The following XIRP2 variants were observed in gnomAD, a reference collection of about 807,000 sequenced individuals.
The protein encoded by XIRP2 is xin actin binding repeat containing 2.
A neutral mutation model predicts 277.0 loss-of-function variants in XIRP2; 236 were observed. That is an observed-to-expected ratio of 0.85 (90% confidence interval 0.77 to 0.95). The LOEUF is 0.95. Among genes scored for constraint, XIRP2 ranks in the 40% least tolerant of loss-of-function variants. The pLI is 0.00. For synonymous variants in XIRP2, 1,490 were observed against 1,416.5 expected, an observed-to-expected ratio of 1.05 and a Z score of -1.17; for missense variants, 4,640 against 4,157.5, an observed-to-expected ratio of 1.12 and a Z score of -3.19.
intron 3 of XIRP2, among the ~76,000 whole-genome samples, chr2:167,182,737 G>C (rs1573939340): frequency 6.6e-6 from 1 of 151,738 alleles, no homozygotes; most frequent in African/African-American, 2.4e-5. Context: ...CAGAATAAAA[G>C]AAAATAATAA....
chr2:167,167,376 C>A (rs942094468), intron 3 of XIRP2, among the ~76,000 whole-genome samples: 15 of 152,140 alleles, frequency 9.9e-5, no homozygotes, highest in Admixed American at 3.9e-4. Context: ...ATATTTGTTA[C>A]TTTTTATATC....
rs1461233196 is a variant in XIRP2, at chr2:167,244,899, T to C, written c.3507T>C (p.Phe1169=). 2 of 1,613,078 alleles carry C rather than the reference T, an allele frequency of 1.2e-6. No homozygotes were observed. Among genetic ancestry groups the C allele is most frequent in the Non-Finnish European group, 1.7e-6 (2 of 1,179,666 alleles). ...GGDVRTACFL[F]ETENLDSIQG... ...ATGTTCGTACAGCATGTTTTCTTTTTGAGACAGAAAATTTGGACAGCATAC... is the reference window on the plus strand; with the variant it reads ...ATGTTCGTACAGCATGTTTTCTTTTCGAGACAGAAAATTTGGACAGCATAC... The change falls in exon 9 of 11, where the codon TTT becomes TTC. Residue 1169 remains phenylalanine, a synonymous_variant. Coordinates refer to ENST00000409195, the MANE Select transcript of XIRP2 (RefSeq NM_152381.6).
At chr2:166,923,275 T>A (rs2105359937) in intron 2 of XIRP2, among the ~76,000 whole-genome samples, 1 of 152,228 alleles carries the variant, frequency 6.6e-6, no homozygotes, top group East Asian at 1.9e-4. Flanking sequence ...GTGTTTTGCC[T>A]CGAGTTCTCA....
At chr2:167,085,973 G>A (rs1419239570) in intron 2 of XIRP2, among the ~76,000 whole-genome samples, 3 of 151,794 alleles carry the variant, frequency 2.0e-5, no homozygotes, top group Non-Finnish European at 4.4e-5. Flanking sequence ...GTGTGAATTT[G>A]ATCCTGTCAT....
At chr2:167,136,184 GT>G in intron 3 of XIRP2, 122 bp downstream of exon 3, 1 of 972,936 alleles carries the variant, frequency 1.0e-6, no homozygotes, top group Non-Finnish European at 1.4e-6. Flanking sequence ...ACTGCATATA[GT>G]TTAGGAAATA....
At chr2:166,940,756 C>G (rs1685683457) in intron 2 of XIRP2, among the ~76,000 whole-genome samples, 1 of 152,194 alleles carries the variant, frequency 6.6e-6, no homozygotes, top group South Asian at 2.1e-4. Flanking sequence ...GGCTGCAGAA[C>G]AGTGAATATT....
intron 2 of XIRP2, among the ~76,000 whole-genome samples, chr2:167,015,428 A>ATCTG (rs1301066030): frequency 6.7e-6 from 1 of 150,340 alleles, no homozygotes; most frequent in African/African-American, 2.5e-5. Flanking sequence ...TTATCTATCT[A>ATCTG]TCTATCTATC....
chr2:166,960,094 A>G (rs1358919075), intron 2 of XIRP2, among the ~76,000 whole-genome samples: 1 of 151,818 alleles, frequency 6.6e-6, no homozygotes, highest in Admixed American at 6.6e-5. Context: ...TGTTATTAAC[A>G]ATAAACTCCA....
rs761517253 is a variant in XIRP2 at position 167,247,240 on chromosome 2, A to G, written c.5848A>G (p.Lys1950Glu). 3.7e-6 allele frequency: 6 copies of G among 1,613,704 alleles called. No individual in the cohort carries two copies. In the South Asian group the frequency reaches 5.5e-5, roughly 15 times the overall value. ...AGAAGGTGTAATAAAAAAAGATGCT[A>G]AAGCTGTGATGGCAGGATCCTCGGG... ...HKEGVIKKDA[K>E]AVMAGSSGEQ... Residue 1950 changes from lysine to glutamate, a missense_variant, in exon 9 of 11, where the codon AAA (lysine) becomes GAA (glutamate). Coordinates refer to ENST00000409195, the MANE Select transcript of XIRP2 (RefSeq NM_152381.6).
At chr2:167,001,489 A>G (rs981692373) in intron 2 of XIRP2, among the ~76,000 whole-genome samples, 1 of 152,162 alleles carries the variant, frequency 6.6e-6, no homozygotes, top group Non-Finnish European at 1.5e-5. Flanking sequence ...AGTAAATCTT[A>G]AGCTCTGAAC....
rs748937709 is a variant in XIRP2 at position 167,135,952 on chromosome 2, G to A, written c.452G>A (p.Ser151Asn). Residue 151 changes from serine (S) to asparagine (N), a missense_variant, in exon 3 of 11, where the codon AGT becomes AAT. Transcript: ENST00000409195. The stretch of plus-strand genomic sequence containing the variant: ...AGTTTGTGCTCGCCAGCTTTTAAGA[G>A]TCACCCTGGGAGCCAGCTGGAGGAT... ...ERSLCSPAFK[S>N]HPGSQLEDSV... 3 of 1,608,542 alleles carry A rather than the reference G, an allele frequency of 1.9e-6. No individual in the cohort carries two copies.
At position 167,247,833 on chromosome 2, in the gene XIRP2, CA is replaced by C; in HGVS notation, c.6446del (p.Asn2149IlefsTer5). 1 of 1,613,204 alleles carries C rather than the reference CA, an allele frequency of 6.2e-7. No homozygotes were observed. Among genetic ancestry groups the C allele is most frequent in the Non-Finnish European group, 8.5e-7 (1 of 1,179,614 alleles). On this transcript the variant is annotated frameshift_variant, in exon 9 of 11. Transcript: ENST00000409195. LOFTEE classifies it high-confidence loss of function. ...GFHIKSPKKT[K>X]NIKILTDTQS... The stretch of plus-strand genomic sequence containing the variant: ...TTCATATAAAGAGTCCTAAAAAGAC[CA>C]AAAATATTAAAATATTAACTGATAC...
At chr2:167,184,976 A>G (rs1414718727) in intron 3 of XIRP2, among the ~76,000 whole-genome samples, 4 of 152,116 alleles carry the variant, frequency 2.6e-5, no homozygotes, top group Admixed American at 6.6e-5. Flanking sequence ...CTGTCTGTCT[A>G]TCATGCATCC....
chr2:167,038,687 T>C (rs1688580531), intron 2 of XIRP2, among the ~76,000 whole-genome samples: 1 of 151,954 alleles, frequency 6.6e-6, no homozygotes, highest in Admixed American at 6.6e-5. Flanking sequence ...GAGAGTCCTA[T>C]CCATATTTAT....
At chr2:167,104,059 T>C (rs1447980604) in intron 2 of XIRP2, among the ~76,000 whole-genome samples, 1 of 152,154 alleles carries the variant, frequency 6.6e-6, no homozygotes, top group African/African-American at 2.4e-5. Flanking sequence ...AGGTTTTGTA[T>C]GAGAACAAAA....
At chr2:167,001,869 C>G (rs1410851504) in intron 2 of XIRP2, among the ~76,000 whole-genome samples, 1 of 152,072 alleles carries the variant, frequency 6.6e-6, no homozygotes, top group East Asian at 1.9e-4. Flanking sequence ...CTTTCCGATG[C>G]TTGAAAAATG....
intron 2 of XIRP2, among the ~76,000 whole-genome samples, chr2:167,106,810 C>T (rs957605404): frequency 2.6e-5 from 4 of 151,492 alleles, no homozygotes; most frequent in Admixed American, 2.6e-4. Context: ...TCCCTGAACA[C>T]AGTATTTCTC....
chr2:167,246,699 G>A lies in XIRP2; in HGVS notation c.5307G>A (p.Leu1769=). 3 of 1,613,626 alleles carry A rather than the reference G, an allele frequency of 1.9e-6. No individual in the cohort carries two copies. Among genetic ancestry groups the A allele is most frequent in the Non-Finnish European group, 2.5e-6 (3 of 1,179,776 alleles). The change falls in exon 9 of 11, where the codon CTG becomes CTA. Residue 1769 remains leucine (L), a synonymous_variant. Transcript: ENST00000409195. ...KQLHTESNET[L]TAKKQEGEKE... is the part of the protein sequence containing the mutation. ...TCCACACAGAGTCAAATGAAACACTGACAGCTAAGAAACAAGAAGGAGAGA... is the reference window on the plus strand; with the variant it reads ...TCCACACAGAGTCAAATGAAACACTAACAGCTAAGAAACAAGAAGGAGAGA...
At chr2:166,906,717 A>G (rs1043091776) in intron 2 of XIRP2, among the ~76,000 whole-genome samples, 1 of 152,062 alleles carries the variant, frequency 6.6e-6, no homozygotes, top group Non-Finnish European at 1.5e-5. Context: ...GCACTTTGGG[A>G]AACCTGAGGC....
Sources: allele counts gnomAD v4.1 joint callset (sites outside exome capture counted in the v4.1 genomes callset), GRCh38; gene constraint gnomAD v4.1.1; transcripts MANE v1.5; gene names NCBI Gene and HGNC (gene_info 2026-07-23, HGNC 2026-07-21).